Variants in DLGAP1 observed in about 807,000 individuals in gnomAD.
DLGAP1 encodes disks large-associated protein 1.
A neutral mutation model predicts 90.8 loss-of-function variants in DLGAP1; 11 were observed. That is an observed-to-expected ratio of 0.12 (90% confidence interval 0.08 to 0.20). The LOEUF (loss-of-function observed/expected upper bound fraction) is 0.20. Ranked by LOEUF, DLGAP1 falls within the 10% of genes least tolerant of loss-of-function variation. The probability of loss-of-function intolerance (pLI) is 1.00; values close to 1 mark genes in which losing one functional copy is unlikely to be tolerated. For synonymous variants in DLGAP1, 558 were observed against 540.7 expected, an observed-to-expected ratio of 1.03 and a Z score of -0.44; for missense variants, 1,050 against 1,333.8, an observed-to-expected ratio of 0.79 and a Z score of 3.31.
intron 2 of DLGAP1, among the ~76,000 whole-genome samples, chr18:4,090,202 C>T (rs777560258): frequency 3.9e-5 from 6 of 152,008 alleles, no homozygotes; most frequent in Non-Finnish European, 8.8e-5. Context: ...TATTTCATGA[C>T]AAAAACATCA....
chr18:4,364,384 T>C (rs889506499), intron 1 of DLGAP1, among the ~76,000 whole-genome samples: 2 of 151,756 alleles, frequency 1.3e-5, no homozygotes, highest in Non-Finnish European at 2.9e-5. Flanking sequence ...TGTGCACATG[T>C]ACCCTAAAAC....
At chr18:3,883,227 G>C (rs999515904) in intron 3 of DLGAP1, among the ~76,000 whole-genome samples, 4 of 152,212 alleles carry the variant, frequency 2.6e-5, no homozygotes, top group Non-Finnish European at 5.9e-5. Context: ...CTGGGTGACA[G>C]AGCAAGATTC....
At chr18:3,522,751 C>G (rs982540693) in intron 10 of DLGAP1, among the ~76,000 whole-genome samples, 4 of 151,902 alleles carry the variant, frequency 2.6e-5, no homozygotes, top group African/African-American at 9.7e-5. Flanking sequence ...CCATGTTGGC[C>G]AGGTTGGTCT....
chr18:4,306,652 A>G (rs965583827), intron 1 of DLGAP1, among the ~76,000 whole-genome samples: 2 of 152,176 alleles, frequency 1.3e-5, no homozygotes, highest in South Asian at 2.1e-4. Flanking sequence ...ACATTTTATA[A>G]TAAGTTTCCC....
chr18:4,069,405 G>A (rs1028054623), intron 2 of DLGAP1, among the ~76,000 whole-genome samples: 1 of 152,138 alleles, frequency 6.6e-6, no homozygotes. Flanking sequence ...TGGATGTGTC[G>A]TCACAAAATC....
intron 7 of DLGAP1, among the ~76,000 whole-genome samples, chr18:3,643,309 T>C (rs1599690636): frequency 6.6e-6 from 1 of 151,624 alleles, no homozygotes; most frequent in Admixed American, 6.6e-5. Context: ...ACCAAAGGGG[T>C]ATTCTCTCTA....
chr18:3,720,149 T>A (rs1364133129), intron 7 of DLGAP1, among the ~76,000 whole-genome samples: 1 of 152,240 alleles, frequency 6.6e-6, no homozygotes, highest in African/African-American at 2.4e-5. Context: ...TAAAAGCTAA[T>A]TAAACTTTGA....
intron 4 of DLGAP1, 57 bp from the exon 5 acceptor site, chr18:3,814,330 CTTTTTCTTTTT>C (rs1323841239): frequency 1.6e-6 from 2 of 1,241,922 alleles, no homozygotes; most frequent in Non-Finnish European, 2.2e-6. Context: ...TTTTTCTTTT[CTTTTTCTTTTT>C]TTTTAGATTT....
chr18:3,853,863 T>G (rs917095280), intron 4 of DLGAP1, among the ~76,000 whole-genome samples: 2 of 152,148 alleles, frequency 1.3e-5, no homozygotes, highest in Non-Finnish European at 2.9e-5. Context: ...TATGATAGAT[T>G]TAATATCTAC....
chr18:4,161,576 T>C (rs2144509827), intron 1 of DLGAP1, among the ~76,000 whole-genome samples: 1 of 152,268 alleles, frequency 6.6e-6, no homozygotes, highest in Admixed American at 6.5e-5. Context: ...TTCTTATAAA[T>C]AAATTTTCTA....
At chr18:3,832,096 A>G (rs2068060534) in intron 4 of DLGAP1, among the ~76,000 whole-genome samples, 1 of 152,222 alleles carries the variant, frequency 6.6e-6, no homozygotes. Context: ...CGTCAAGATA[A>G]TAAATGATTA....
intron 1 of DLGAP1, among the ~76,000 whole-genome samples, chr18:4,243,103 C>T (rs1247336480): frequency 1.3e-5 from 2 of 152,056 alleles, no homozygotes; most frequent in Non-Finnish European, 2.9e-5. Flanking sequence ...GAGGCTTGTG[C>T]CTTGTGCTGT....
At chr18:3,954,991 C>T (rs8084197) in intron 3 of DLGAP1, among the ~76,000 whole-genome samples, 111,691 of 151,964 alleles carry the variant, frequency 0.73, 41,710 homozygotes, top group East Asian at 0.96. Context: ...CAGGACAGAG[C>T]ACCAAAGAGA....
chr18:4,201,930 A>T (rs2077615572), intron 1 of DLGAP1, among the ~76,000 whole-genome samples: 1 of 152,140 alleles, frequency 6.6e-6, no homozygotes, highest in Non-Finnish European at 1.5e-5. Flanking sequence ...TTCTCAAAAA[A>T]CGGAAAGTAG....
chr18:4,435,170 T>C (rs1460090048), intron 1 of DLGAP1, among the ~76,000 whole-genome samples: 1 of 152,146 alleles, frequency 6.6e-6, no homozygotes, highest in Non-Finnish European at 1.5e-5. Flanking sequence ...AGGAGGCTCT[T>C]GGATTTGCAG....
chr18:3,930,607 G>A (rs757633852), intron 3 of DLGAP1, among the ~76,000 whole-genome samples: 12 of 152,156 alleles, frequency 7.9e-5, no homozygotes, highest in Non-Finnish European at 1.8e-4. Context: ...GCCTGTGACT[G>A]TGCTGGGGAC....
chr18:4,268,162 C>T (rs1009071097), intron 1 of DLGAP1, among the ~76,000 whole-genome samples: 2 of 152,162 alleles, frequency 1.3e-5, no homozygotes, highest in Non-Finnish European at 2.9e-5. Flanking sequence ...GTTAGACCAG[C>T]TCTTCTCAGA....
Position 3,934,513 on chromosome 18 carries a change from C to CAG in DLGAP1, c.-72-54375_-72-54374dup, listed in dbSNP as rs572044923. On this transcript the variant is annotated intron_variant, in intron 3 of 12. Transcript: ENST00000315677. ...GCAGGGAGATAAGAAGAGTGGCAGA[C>CAG]AGAGAGAGAGAGAGAGAATAATACG... Among the ~76,000 whole-genome samples the CAG allele has an allele frequency of 1.3e-3, 196 of 149,972 alleles. 1 individual carries two copies. The highest frequency in any genetic ancestry group is 0.01 in the South Asian group (48 of 4,726).
chr18:4,236,855 A>G (rs1465383390), intron 1 of DLGAP1, among the ~76,000 whole-genome samples: 1 of 152,154 alleles, frequency 6.6e-6, no homozygotes, highest in Non-Finnish European at 1.5e-5. Flanking sequence ...TTATTCCTTC[A>G]TTTTAATTTA....
Sources: gnomAD v4.1 joint callset for allele counts (sites outside exome capture counted in the v4.1 genomes callset) on GRCh38, gnomAD v4.1.1 for gene constraint, MANE v1.5 for transcripts, NCBI Gene and HGNC (gene_info 2026-07-23, HGNC 2026-07-21) for gene names.